Variants in GABRB1 observed in about 807,000 individuals in gnomAD.
The protein encoded by GABRB1 is gamma-aminobutyric acid type A receptor subunit beta1.
Under a neutral mutation model 51.6 loss-of-function variants are expected in GABRB1, and 17 were observed. The ratio of observed to expected loss-of-function variants is 0.33; its 90% CI spans 0.23 to 0.49. The LOEUF is 0.49. Ranked by LOEUF, GABRB1 falls within the 20% of genes least tolerant of loss-of-function variation. GABRB1 has a pLI of 0.99. For synonymous variants in GABRB1, 247 were observed against 218.9 expected, an observed-to-expected ratio of 1.13 and a Z score of -1.14; for missense variants, 410 against 600.6, an observed-to-expected ratio of 0.68 and a Z score of 3.32.
chr4:47,043,263 A>T (rs1037669743), intron 3 of GABRB1: 13 of 152,080 alleles, frequency 8.5e-5, no homozygotes, highest in Non-Finnish European at 1.5e-4. Context: ...AAGACTGGAT[A>T]AAAAATTTGG....
intron 4 of GABRB1, among the ~76,000 whole-genome samples, chr4:47,268,474 TC>T (rs956988615): frequency 9.9e-5 from 15 of 152,158 alleles, no homozygotes; most frequent in African/African-American, 3.4e-4. Context: ...TTAGTTTTTT[TC>T]CTATGTGCAT....
chr4:47,384,573 A>G (rs562315771), intron 5 of GABRB1, among the ~76,000 whole-genome samples: 16 of 152,316 alleles, frequency 1.1e-4, no homozygotes, highest in African/African-American at 3.6e-4. Context: ...CACATTGAGG[A>G]TATAAGGTGG....
intron 1 of GABRB1, among the ~76,000 whole-genome samples, chr4:47,014,922 A>ATTTATTTT (rs1203208843): frequency 1.4e-5 from 2 of 142,390 alleles, no homozygotes; most frequent in African/African-American, 5.3e-5. Flanking sequence ...TTATTTATTT[A>ATTTATTTT]TTGAGACGGA....
chr4:47,276,022 TG>T (rs1317015948), intron 4 of GABRB1, among the ~76,000 whole-genome samples: 5 of 152,184 alleles, frequency 3.3e-5, no homozygotes, highest in Admixed American at 6.6e-5. Flanking sequence ...AGTTCCATTC[TG>T]TTTCAGCAGT....
intron 5 of GABRB1, among the ~76,000 whole-genome samples, chr4:47,385,607 C>T (rs962339919): frequency 6.6e-6 from 1 of 152,202 alleles, no homozygotes; most frequent in Non-Finnish European, 1.5e-5. Context: ...CTCACACCAA[C>T]CAATTCTCCT....
intron 5 of GABRB1, among the ~76,000 whole-genome samples, chr4:47,394,922 G>A (rs762285128): frequency 2.0e-5 from 3 of 152,150 alleles, no homozygotes; most frequent in Non-Finnish European, 2.9e-5. Flanking sequence ...GGTGCTGGCA[G>A]TTCATTTCCT....
chr4:47,242,436 G>T (rs1221962328), intron 4 of GABRB1, among the ~76,000 whole-genome samples: 1 of 152,198 alleles, frequency 6.6e-6, no homozygotes, highest in African/African-American at 2.4e-5. Context: ...GGTATTTCTA[G>T]TTCCAGATCC....
intron 3 of GABRB1, among the ~76,000 whole-genome samples, chr4:47,134,490 A>ATG (rs1194792477): frequency 6.6e-6 from 1 of 152,186 alleles, no homozygotes; most frequent in Non-Finnish European, 1.5e-5. Flanking sequence ...AATATTAATG[A>ATG]GAGGAAAATG....
intron 4 of GABRB1, among the ~76,000 whole-genome samples, chr4:47,283,412 G>C (rs71609491): frequency 1.1e-5 from 1 of 90,796 alleles, no homozygotes; most frequent in African/African-American, 4.2e-5. Flanking sequence ...TTGAGACAGA[G>C]TCTCAGTCTG....
At chr4:47,230,070 T>A (rs952777481) in intron 4 of GABRB1, among the ~76,000 whole-genome samples, 3 of 152,144 alleles carry the variant, frequency 2.0e-5, no homozygotes, top group African/African-American at 7.2e-5. Flanking sequence ...ATAGTCAATA[T>A]AATAAAGACT....
chr4:47,352,222 G>T (rs1437341692), intron 5 of GABRB1, among the ~76,000 whole-genome samples: 1 of 152,112 alleles, frequency 6.6e-6, no homozygotes, highest in Non-Finnish European at 1.5e-5. Flanking sequence ...CCAGGAAGAA[G>T]TTGAATCTCT....
chr4:47,381,790 T>G (rs950151911), intron 5 of GABRB1, among the ~76,000 whole-genome samples: 32 of 152,208 alleles, frequency 2.1e-4, no homozygotes, highest in African/African-American at 7.7e-4. Context: ...CTTTAACTAG[T>G]GTATGTGCTG....
chr4:47,149,068 G>A (rs569024040), intron 3 of GABRB1, among the ~76,000 whole-genome samples: 87 of 151,950 alleles, frequency 5.7e-4, no homozygotes, highest in Non-Finnish European at 1.1e-3. Context: ...GAGGCACTTA[G>A]GGCATCCTTA....
chr4:47,173,122 A>G (rs1382357552), intron 4 of GABRB1, among the ~76,000 whole-genome samples: 1 of 152,150 alleles, frequency 6.6e-6, no homozygotes, highest in Admixed American at 6.5e-5. Flanking sequence ...AAATTCCCAA[A>G]TTCTTACCCC....
At chr4:47,312,868 G>A (rs1247401544) in intron 4 of GABRB1, among the ~76,000 whole-genome samples, 1 of 152,146 alleles carries the variant, frequency 6.6e-6, no homozygotes, top group Non-Finnish European at 1.5e-5. Context: ...ATTTGTGTGT[G>A]TGTGTAAAAA....
chr4:47,004,148 C>A (rs115650096), intron 1 of GABRB1, among the ~76,000 whole-genome samples: 2,286 of 152,176 alleles, frequency 0.015, 36 homozygotes, highest in Non-Finnish European at 0.022. Context: ...CCCACCAAGC[C>A]TGTCTAACTT....
intron 4 of GABRB1, among the ~76,000 whole-genome samples, chr4:47,306,457 A>G (rs1290895279): frequency 1.3e-5 from 2 of 151,076 alleles, no homozygotes; most frequent in Non-Finnish European, 3.0e-5. Context: ...GAAGGGAGGG[A>G]GGAAAAGAGG....
intron 4 of GABRB1, among the ~76,000 whole-genome samples, chr4:47,197,211 T>C (rs1163906980): frequency 6.6e-6 from 1 of 152,248 alleles, no homozygotes; most frequent in Non-Finnish European, 1.5e-5. Context: ...TCCTATCTTC[T>C]ACATAGCTTG....
At chr4:47,343,733 G>A (rs1327255429) in intron 5 of GABRB1, among the ~76,000 whole-genome samples, 1 of 152,182 alleles carries the variant, frequency 6.6e-6, no homozygotes, top group Non-Finnish European at 1.5e-5. Context: ...GAGAGCATGT[G>A]TAGGGTCAGA....
Sources: gnomAD v4.1 joint callset for allele counts (sites outside exome capture counted in the v4.1 genomes callset) on GRCh38, gnomAD v4.1.1 for gene constraint, MANE v1.5 for transcripts, NCBI Gene and HGNC (gene_info 2026-07-23, HGNC 2026-07-21) for gene names.